GARNL3: variants seen among roughly 807,000 people sequenced by gnomAD.
GARNL3 encodes the protein GTPase activating Rap/RanGAP domain like 3, also known as GTPase-activating Rap/Ran-GAP domain-like protein 3.
Under a neutral mutation model 125.0 loss-of-function variants are expected in GARNL3, and 63 were observed. The observed-to-expected ratio is 0.50, with a 90% CI of 0.41 to 0.62. The LOEUF (loss-of-function observed/expected upper bound fraction) is 0.62. Among genes scored for constraint, GARNL3 ranks in the 20% least tolerant of loss-of-function variants. The pLI is 0.00. For missense variants in GARNL3, 994 were observed against 1,244.0 expected (o/e 0.80, Z 3.02); for synonymous variants, 439 against 457.5 (o/e 0.96, Z 0.52).
chr9:127,264,215 C>A, upstream of GARNL3: 1 of 373,792 alleles, frequency 2.7e-6, no homozygotes, highest in East Asian at 4.1e-5. Flanking sequence ...AGATTTGTGC[C>A]TTTTGAGTGT....
intron 22 of GARNL3, among the ~76,000 whole-genome samples, chr9:127,367,681 C>A (rs1464763218): frequency 1.3e-5 from 2 of 152,090 alleles, no homozygotes; most frequent in African/African-American, 4.8e-5. Flanking sequence ...ACCTTTAATG[C>A]AAGTAATTTC....
intron 2 of GARNL3, among the ~76,000 whole-genome samples, chr9:127,255,474 TA>T (rs2063481029): frequency 6.6e-6 from 1 of 152,182 alleles, no homozygotes; most frequent in African/African-American, 2.4e-5. Flanking sequence ...ATAGTATAAA[TA>T]TAAAACTATA....
At chr9:127,232,203 T>G (rs1250701950) in intron 1 of GARNL3, among the ~76,000 whole-genome samples, 1 of 152,226 alleles carries the variant, frequency 6.6e-6, no homozygotes, top group Non-Finnish European at 1.5e-5. Context: ...CGTAGGCTGA[T>G]TCCAGGTGTA....
intron 1 of GARNL3, among the ~76,000 whole-genome samples, chr9:127,265,320 A>G (rs911813544): frequency 6.6e-6 from 1 of 152,166 alleles, no homozygotes; most frequent in Non-Finnish European, 1.5e-5. Context: ...GAAAGGTGGC[A>G]TTTGGCTTAT....
chr9:127,238,718 T>A (rs992229879), intron 1 of GARNL3, among the ~76,000 whole-genome samples: 1 of 152,098 alleles, frequency 6.6e-6, no homozygotes, highest in African/African-American at 2.4e-5. Context: ...ATTGGACGTT[T>A]TGAGAGAAGC....
At chr9:127,339,104 T>C (rs1297113419) in intron 12 of GARNL3, among the ~76,000 whole-genome samples, 1 of 151,988 alleles carries the variant, frequency 6.6e-6, no homozygotes, top group African/African-American at 2.4e-5. Context: ...GAGACCATCC[T>C]GGCTAACACG....
intron 2 of GARNL3, among the ~76,000 whole-genome samples, chr9:127,293,349 T>G (rs890441651): frequency 3.9e-5 from 6 of 152,278 alleles, no homozygotes; most frequent in Non-Finnish European, 8.8e-5. Context: ...TTATATAGTC[T>G]GGATAATTAG....
chr9:127,356,032 A>G (rs56128487), intron 20 of GARNL3, among the ~76,000 whole-genome samples: 21,646 of 152,200 alleles, frequency 0.14, 2,083 homozygotes, highest in South Asian at 0.34. Flanking sequence ...GAGCAGAGGG[A>G]ACAAGGCAGG....
At chr9:127,246,493 A>G (rs1426026690) in intron 2 of GARNL3, among the ~76,000 whole-genome samples, 1 of 152,182 alleles carries the variant, frequency 6.6e-6, no homozygotes, top group African/African-American at 2.4e-5. Context: ...AAGATAGAAT[A>G]AAGCAAAGGT....
chr9:127,277,111 A>G (rs2063976879), intron 1 of GARNL3, among the ~76,000 whole-genome samples: 1 of 152,222 alleles, frequency 6.6e-6, no homozygotes, highest in Non-Finnish European at 1.5e-5. Flanking sequence ...CATAAAAATC[A>G]CTTGAGCAGT....
intron 2 of GARNL3, among the ~76,000 whole-genome samples, chr9:127,305,222 TA>T (rs76428776): frequency 0.13 from 20,320 of 151,750 alleles, 1,740 homozygotes; most frequent in East Asian, 0.21. Context: ...TGTATAAATG[TA>T]AAAAAAAATT....
At chr9:127,291,882 C>A (rs2064432656) in intron 2 of GARNL3, among the ~76,000 whole-genome samples, 2 of 152,014 alleles carry the variant, frequency 1.3e-5, no homozygotes, top group Non-Finnish European at 2.9e-5. Flanking sequence ...TGACCCTGAC[C>A]CTGGGCAAGG....
At chr9:127,387,069 C>T (rs1328885933) in intron 24 of GARNL3, 124 bp from the exon 25 acceptor site, 3 of 966,436 alleles carry the variant, frequency 3.1e-6, no homozygotes, top group East Asian at 2.7e-5. Context: ...CCCGGCATCC[C>T]GCACTGCACT....
At chr9:127,362,940 C>A (rs909683346) in intron 21 of GARNL3, 1 of 152,230 alleles carries the variant, frequency 6.6e-6, no homozygotes, top group African/African-American at 2.4e-5. Context: ...AAACAACTGG[C>A]GTGAGTGCGC....
chr9:127,294,907 T>C (rs888172328), intron 2 of GARNL3, among the ~76,000 whole-genome samples: 1 of 152,172 alleles, frequency 6.6e-6, no homozygotes, highest in Non-Finnish European at 1.5e-5. Flanking sequence ...ATTGCAAATT[T>C]TGGTAACTAC....
chr9:127,379,933 G>A (rs1225850358), intron 22 of GARNL3, among the ~76,000 whole-genome samples: 11 of 152,014 alleles, frequency 7.2e-5, no homozygotes, highest in Non-Finnish European at 2.9e-5. Context: ...TAATCCCAGC[G>A]CTTTGGGAGG....
chr9:127,376,751 TA>T, intron 22 of GARNL3, among the ~76,000 whole-genome samples: 1 of 152,152 alleles, frequency 6.6e-6, no homozygotes, highest in Admixed American at 6.6e-5. Context: ...AATAAATTCT[TA>T]AAATTGTCCT....
In GARNL3 at chr9:127,242,976, G is replaced by A; in HGVS notation, c.-28-103G>A. 1.9e-6 allele frequency: 2 copies of A among 1,038,952 alleles called. No homozygotes were observed. The highest frequency in any genetic ancestry group is 2.5e-6 in the Non-Finnish European group (2 of 787,554). The allele number at this position is 1,038,952 out of a possible 1,614,324, so 64.4% of individuals were successfully genotyped here. A position where few individuals can be genotyped will look rare whatever the true frequency, so the allele number is the denominator to read the frequency against. On this transcript the variant is annotated intron_variant, in intron 1 of 10. Transcript: ENST00000439286. This position sits in a 1 kb window ranked among gnomAD's most constrained non-coding sequence, Gnocchi z 4.6. ...GTGCTTCAGTGTCACCCTCCTCCTT[G>A]CTTACCAGCGGGGCTGCCTTTGGGA...
chr9:127,386,756 C>T (rs573158773), intron 24 of GARNL3, among the ~76,000 whole-genome samples: 87 of 152,348 alleles, frequency 5.7e-4, no homozygotes, highest in African/African-American at 1.8e-3. Context: ...GCAGCGCCAG[C>T]GCATCACGGG....
Sources: allele counts gnomAD v4.1 joint callset (sites outside exome capture counted in the v4.1 genomes callset), GRCh38; gene constraint gnomAD v4.1.1; non-coding constraint Gnocchi (gnomAD v3.1); transcripts MANE v1.5; gene names NCBI Gene and HGNC (gene_info 2026-07-23, HGNC 2026-07-21).